The following DCDC1 variants were observed in gnomAD, a reference collection of about 807,000 sequenced individuals.
The protein encoded by DCDC1 is doublecortin domain containing 1, also known as doublecortin domain-containing protein 1.
A neutral mutation model predicts 178.3 loss-of-function variants in DCDC1; 200 were observed. The observed-to-expected ratio is 1.12, with a 90% CI of 1.00 to 1.26. DCDC1 has a LOEUF of 1.26. Among genes scored for constraint, DCDC1 ranks in the 50% most tolerant of loss-of-function variants. The pLI, the probability that DCDC1 is intolerant of heterozygous loss-of-function variation, is 0.00. For synonymous variants in DCDC1, 690 were observed against 604.8 expected, an observed-to-expected ratio of 1.14 and a Z score of -2.07; for missense variants, 1,983 against 1,749.2, an observed-to-expected ratio of 1.13 and a Z score of -2.38.
At chr11:31,000,470 G>C (rs529928822) in intron 20 of DCDC1, among the ~76,000 whole-genome samples, 60 of 152,206 alleles carry the variant, frequency 3.9e-4, no homozygotes, top group African/African-American at 1.3e-3. Context: ...AAATTTCAGA[G>C]CCCTTTTCTG....
At chr11:31,332,293 G>C (rs1007298806) in intron 2 of DCDC1, among the ~76,000 whole-genome samples, 3 of 151,968 alleles carry the variant, frequency 2.0e-5, no homozygotes, top group African/African-American at 7.3e-5. Flanking sequence ...AGTCTTGCTA[G>C]CGGTCTATCA....
chr11:31,089,767 C>T (rs1287966620), intron 17 of DCDC1, among the ~76,000 whole-genome samples: 1 of 152,030 alleles, frequency 6.6e-6, no homozygotes, highest in African/African-American at 2.4e-5. Context: ...GTTTTAATCT[C>T]TTGAAATTTG....
intron 23 of DCDC1, 81 bp from the exon 24 acceptor site, chr11:30,922,719 A>T: frequency 1.5e-6 from 2 of 1,322,512 alleles, no homozygotes; most frequent in Non-Finnish European, 9.9e-7. Flanking sequence ...GAAACAATTA[A>T]AAAAATCAAA....
At chr11:31,366,227 G>C (rs1951950996) in intron 1 of DCDC1, among the ~76,000 whole-genome samples, 1 of 152,126 alleles carries the variant, frequency 6.6e-6, no homozygotes. Context: ...TTTTAACCAT[G>C]ATACTAACAT....
chr11:30,971,246 A>C (rs1184091463), intron 20 of DCDC1, among the ~76,000 whole-genome samples: 1 of 152,238 alleles, frequency 6.6e-6, no homozygotes, highest in African/African-American at 2.4e-5. Context: ...ACACACACAA[A>C]AAAAAGAACA....
At chr11:31,044,889 A>C (rs1292561499) in intron 20 of DCDC1, among the ~76,000 whole-genome samples, 2 of 152,218 alleles carry the variant, frequency 1.3e-5, no homozygotes, top group African/African-American at 2.4e-5. Flanking sequence ...ATGATAGCTA[A>C]TACAGGCAGT....
intron 3 of DCDC1, among the ~76,000 whole-genome samples, chr11:31,308,205 T>C (rs895990676): frequency 2.6e-5 from 4 of 152,232 alleles, no homozygotes; most frequent in African/African-American, 9.6e-5. Context: ...TCCACATTCA[T>C]AACCATTAAG....
intron 22 of DCDC1, among the ~76,000 whole-genome samples, chr11:30,931,130 C>G (rs1035928718): frequency 3.9e-5 from 6 of 152,086 alleles, no homozygotes; most frequent in South Asian, 2.1e-4. Flanking sequence ...TACATCAGAG[C>G]TCTTCAATGA....
At chr11:31,287,513 C>T (rs996737880) in intron 7 of DCDC1, among the ~76,000 whole-genome samples, 2 of 151,808 alleles carry the variant, frequency 1.3e-5, no homozygotes, top group East Asian at 1.9e-4. Flanking sequence ...GTATCCAGCA[C>T]ATCTTGAAAA....
chr11:31,291,867 G>C (rs1947253004), intron 6 of DCDC1, among the ~76,000 whole-genome samples: 1 of 151,974 alleles, frequency 6.6e-6, no homozygotes, highest in Admixed American at 6.6e-5. Flanking sequence ...CTTGAAAGAA[G>C]CTTGGCCTCT....
chr11:31,247,341 G>A (rs1243184699), intron 8 of DCDC1, among the ~76,000 whole-genome samples: 1 of 151,664 alleles, frequency 6.6e-6, no homozygotes, highest in Non-Finnish European at 1.5e-5. Flanking sequence ...TTCTGCTTGA[G>A]CAAGTGGACC....
intron 9 of DCDC1, among the ~76,000 whole-genome samples, chr11:31,216,890 T>C (rs888267316): frequency 6.6e-6 from 1 of 152,220 alleles, no homozygotes; most frequent in African/African-American, 2.4e-5. Flanking sequence ...CTACAAAGCA[T>C]AAATCAGTTC....
intron 9 of DCDC1, among the ~76,000 whole-genome samples, chr11:31,205,654 T>C (rs1971779474): frequency 6.6e-6 from 1 of 152,212 alleles, no homozygotes; most frequent in Admixed American, 6.5e-5. Context: ...TAATAATTTA[T>C]CCTCGTAAAG....
At position 30,899,635 on chromosome 11, in the gene DCDC1, C is replaced by A; in HGVS notation, c.4671G>T (p.Gln1557His). ...TCTGTTTCTCTAATTTTTCTGCTTT[C>A]TGCAAAGCTAGAATAATAAAAATAC... ...GEPFLPPNAL[Q>H]KAEKLEKQNW... The change falls in exon 34 of 39, where the codon CAG becomes CAT. Residue 1557 changes from glutamine to histidine, a missense_variant. Gln to His is a conservative substitution (Grantham distance 24). Transcript: ENST00000684477. The A allele has an allele frequency of 1.3e-6, 2 of 1,552,962 alleles. No individual in the cohort carries two copies. Among genetic ancestry groups the A allele is most frequent in the Non-Finnish European group, 8.7e-7 (1 of 1,148,652 alleles).
intron 20 of DCDC1, among the ~76,000 whole-genome samples, chr11:31,044,297 G>A (rs768511716): frequency 6.6e-6 from 1 of 152,018 alleles, no homozygotes; most frequent in Non-Finnish European, 1.5e-5. Flanking sequence ...CTAACGTGGT[G>A]AAACCCTGTC....
At position 30,998,945 on chromosome 11, in the gene DCDC1, G is replaced by T. The variant is rs116583655; in HGVS notation, c.2592-46377C>A. On this transcript the variant is annotated intron_variant, in intron 20 of 38. Transcript: ENST00000684477. ...CAGGAATATGTAATATTGATATCATGCACCCCCTGATATAATGCAATAAAA... is the reference window on the plus strand; with the variant it reads ...CAGGAATATGTAATATTGATATCATTCACCCCCTGATATAATGCAATAAAA... Among the ~76,000 whole-genome samples, 596 of 152,202 alleles carry T rather than the reference G, an allele frequency of 3.9e-3. 1 individual carries two copies. Among genetic ancestry groups the T allele is most frequent in the African/African-American group, 0.014 (575 of 41,536 alleles).
At chr11:31,227,736 C>T (rs1975185201) in intron 9 of DCDC1, among the ~76,000 whole-genome samples, 1 of 151,600 alleles carries the variant, frequency 6.6e-6, no homozygotes, top group African/African-American at 2.4e-5. Flanking sequence ...AATAGCAAGG[C>T]CCAAAATATT....
chr11:31,339,792 T>G (rs982858677), intron 1 of DCDC1, among the ~76,000 whole-genome samples: 2 of 152,202 alleles, frequency 1.3e-5, no homozygotes, highest in Non-Finnish European at 2.9e-5. Flanking sequence ...TTTGACAAAT[T>G]TTCAATGTTA....
rs1211913393 is a variant in DCDC1 at position 30,943,575 on chromosome 11, TC to T, written c.2715+8869del. On this transcript the variant is annotated intron_variant, in intron 21 of 38. Transcript: ENST00000684477. ...TTCCTTGAATATGAAAATCCATTGC[TC>T]CTTACCTTTAAGTGTTTAGAAGCAC... is the stretch of plus-strand genomic sequence containing the variant. 7.2e-6 allele frequency: 3 copies of T among 417,932 alleles called. No homozygotes were observed. In the East Asian group the frequency reaches 2.2e-4, roughly 30 times the overall value. 25.9% of individuals were successfully genotyped at this position (417,932 alleles called of 1,614,324 possible).
Sources: allele counts gnomAD v4.1 joint callset (sites outside exome capture counted in the v4.1 genomes callset), GRCh38; gene constraint gnomAD v4.1.1; transcripts MANE v1.5; gene names NCBI Gene and HGNC (gene_info 2026-07-23, HGNC 2026-07-21).